The following OSBPL9 variants were observed in gnomAD, a reference collection of about 807,000 sequenced individuals.
The protein encoded by OSBPL9 is oxysterol-binding protein-related protein 9.
A neutral mutation model predicts 106.6 loss-of-function variants in OSBPL9; 40 were observed. The ratio of observed to expected loss-of-function variants is 0.38; its 90% CI spans 0.29 to 0.49. OSBPL9 has a LOEUF of 0.49. OSBPL9 is among the 20% of genes least tolerant of loss of function. The pLI is 0.97. For missense variants in OSBPL9, 609 were observed against 887.2 expected, an observed-to-expected ratio of 0.69 and a Z score of 3.98; for synonymous variants, 269 against 295.4, an observed-to-expected ratio of 0.91 and a Z score of 0.92.
At chr1:51,569,200 TTCTC>T in the OSBPL9 span, among the ~76,000 whole-genome samples, 1 of 152,154 alleles carries the variant, frequency 6.6e-6, no homozygotes, top group East Asian at 1.9e-4. Flanking sequence ...TCCTGTGCCT[TTCTC>T]TCACTGAGGC....
Position 51,772,666 on chromosome 1 carries a change from CAA to C in OSBPL9, c.1114_1115del (p.Lys372GlufsTer11). 1 of 1,614,174 alleles carries C rather than the reference CAA, an allele frequency of 6.2e-7. No homozygotes were observed. The highest frequency in any genetic ancestry group is 1.1e-5 in the South Asian group (1 of 91,082). On this transcript the variant is annotated frameshift_variant, in exon 14 of 24. Transcript: ENST00000428468. LOFTEE classifies it high-confidence loss of function. The stretch of plus-strand genomic sequence containing the variant: ...CGGAGGCAGGGTCTGTGGAGGAGCA[CAA>C]GAGCGTTATCATGCATCTCTTGTCG... ...DAEAGSVEEHKSVIMHLLSQV... is the reference protein window; with the variant it reads ...DAEAGSVEEHXSVIMHLLSQV...
At chr1:51,670,841 G>A (rs959532229) in intron 3 of OSBPL9, among the ~76,000 whole-genome samples, 1 of 152,080 alleles carries the variant, frequency 6.6e-6, no homozygotes, top group Non-Finnish European at 1.5e-5. Flanking sequence ...CTACACTCTG[G>A]AACTCTTTAC....
upstream of OSBPL9, among the ~76,000 whole-genome samples, chr1:51,612,308 A>G (rs1182896458): frequency 2.6e-5 from 4 of 152,158 alleles, no homozygotes; most frequent in African/African-American, 9.7e-5. Context: ...GGTCTTTCAA[A>G]AATCATGTCT....
chr1:51,723,378 C>CA (rs1224947998), intron 4 of OSBPL9, among the ~76,000 whole-genome samples: 1 of 152,186 alleles, frequency 6.6e-6, no homozygotes, highest in East Asian at 1.9e-4. Flanking sequence ...TCCAGAATGT[C>CA]ATATCATTGG....
chr1:51,729,194 A>G lies in OSBPL9; in HGVS notation c.318+15115A>G, dbSNP rs549996553. On this transcript the variant is annotated intron_variant, in intron 4 of 23. Coordinates refer to ENST00000428468, the MANE Select transcript of OSBPL9 (RefSeq NM_024586.6). The surrounding 1 kb of genome is among the most constrained non-coding windows in gnomAD (Gnocchi z 5.1). ...AAGCCCACGATGTCTCACCGGATTA[A>G]TAAAAATATAGGCGCTCACGCTTTT... The G allele has an allele frequency of 6.6e-6, 1 of 152,238 alleles. No homozygotes were observed. The highest frequency in any genetic ancestry group is 2.4e-5 in the African/African-American group (1 of 41,460). The allele number at this position is 152,238 out of a possible 1,614,324, so 9.4% of individuals were successfully genotyped here.
chr1:51,617,694 G>A (rs1040920787), intron 1 of OSBPL9, among the ~76,000 whole-genome samples: 1 of 152,118 alleles, frequency 6.6e-6, no homozygotes, highest in Non-Finnish European at 1.5e-5. Flanking sequence ...AGAGGAGCCG[G>A]GACAGGTCCA....
At position 51,786,193 on chromosome 1, in the gene OSBPL9, G is replaced by A. The variant is rs997515227; in HGVS notation, c.1908+307G>A. Reference sequence around the variant, plus strand: ...CATAGTAAGAACCCAGTAAATGTTAGGTATGTGGCGTATGTTTATAAAATG... The same window carrying A: ...CATAGTAAGAACCCAGTAAATGTTAAGTATGTGGCGTATGTTTATAAAATG... On this transcript the variant is annotated intron_variant, in intron 21 of 23. Transcript: ENST00000428468. 26 of 444,932 alleles carry A rather than the reference G, an allele frequency of 5.8e-5. No individual in the cohort carries two copies. In the Admixed American group the frequency reaches 1.0e-3, roughly 18 times the overall value. The allele number at this position is 444,932 out of a possible 1,614,324, so 27.6% of individuals were successfully genotyped here.
chr1:51,597,404 T>C (rs1344166500), intron 1 of OSBPL9, among the ~76,000 whole-genome samples: 1 of 84,070 alleles, frequency 1.2e-5, no homozygotes, highest in East Asian at 2.6e-4. Context: ...ATGGAATATA[T>C]GTGTGTATAT....
chr1:51,625,295 T>C (rs1331218826), intron 1 of OSBPL9, among the ~76,000 whole-genome samples: 1 of 152,198 alleles, frequency 6.6e-6, no homozygotes, highest in Non-Finnish European at 1.5e-5. Context: ...GATTAGATTT[T>C]CTTTTTTTAA....
chr1:51,608,809 G>A (rs1643966498), intron 2 of OSBPL9, among the ~76,000 whole-genome samples: 1 of 151,748 alleles, frequency 6.6e-6, no homozygotes, highest in African/African-American at 2.4e-5. Context: ...GATAATTCCA[G>A]TGATGCACCT....
At chr1:51,643,501 C>A (rs1645939861) in intron 1 of OSBPL9, among the ~76,000 whole-genome samples, 1 of 152,068 alleles carries the variant, frequency 6.6e-6, no homozygotes, top group African/African-American at 2.4e-5. Flanking sequence ...AAGTGATTGG[C>A]TGGTTCAGGG....
intron 1 of OSBPL9, among the ~76,000 whole-genome samples, chr1:51,632,762 A>G (rs1178277526): frequency 6.6e-6 from 1 of 152,176 alleles, no homozygotes; most frequent in Non-Finnish European, 1.5e-5. Flanking sequence ...GTGGCAAATT[A>G]TCAAAGAAGA....
chr1:51,545,009 A>G, the OSBPL9 span, among the ~76,000 whole-genome samples: 2 of 151,938 alleles, frequency 1.3e-5, no homozygotes, highest in African/African-American at 4.8e-5. Flanking sequence ...ACTCCTGGCT[A>G]ATTTTTGTAT....
chr1:51,527,483 C>A, the OSBPL9 span, among the ~76,000 whole-genome samples: 6 of 152,062 alleles, frequency 3.9e-5, no homozygotes, highest in African/African-American at 1.4e-4. Context: ...TAGACTCAAA[C>A]TACTGGGCTC....
intron 8 of OSBPL9, among the ~76,000 whole-genome samples, chr1:51,754,965 CCTGA>C (rs894639269): frequency 2.6e-5 from 4 of 152,116 alleles, no homozygotes; most frequent in South Asian, 2.1e-4. Context: ...CACCACTGTG[CCTGA>C]CTAATTTTTA....
intron 4 of OSBPL9, among the ~76,000 whole-genome samples, chr1:51,725,274 T>C (rs1470634561): frequency 6.6e-6 from 1 of 152,166 alleles, no homozygotes; most frequent in Admixed American, 6.5e-5. Flanking sequence ...GTAGCATTTC[T>C]TTTTTATTCT....
rs187942968 is a variant in OSBPL9, at chr1:51,636,607, G to T, written c.112-15384G>T. Among the ~76,000 whole-genome samples, 209 of 151,886 alleles carry T rather than the reference G, an allele frequency of 1.4e-3. 1 individual carries two copies. The highest frequency in any genetic ancestry group is 4.9e-3 in the African/African-American group (203 of 41,444). The stretch of plus-strand genomic sequence containing the variant: ...CCTGGCTCGGCCTCCCAAAATGCTG[G>T]GATTGCAGGTATGACCCACCACACC... On this transcript the variant is annotated intron_variant, in intron 1 of 23. Transcript: ENST00000428468.
intron 8 of OSBPL9, among the ~76,000 whole-genome samples, chr1:51,753,266 C>T (rs1669648375): frequency 1.3e-5 from 2 of 152,112 alleles, no homozygotes; most frequent in Non-Finnish European, 2.9e-5. Context: ...ATCCAAGCCC[C>T]ACCACTGGAG....
intron 3 of OSBPL9, chr1:51,707,284 C>T (rs991685767): frequency 9.4e-6 from 2 of 211,800 alleles, no homozygotes; most frequent in South Asian, 5.8e-5. Context: ...GAGTGGTTCT[C>T]ACTTAAAGTC....
Sources: gnomAD v4.1 joint callset for allele counts (sites outside exome capture counted in the v4.1 genomes callset) on GRCh38, gnomAD v4.1.1 for gene constraint, Gnocchi (gnomAD v3.1) non-coding constraint, MANE v1.5 for transcripts, NCBI Gene and HGNC (gene_info 2026-07-23, HGNC 2026-07-21) for gene names.